ZNF536: variants seen among roughly 807,000 people sequenced by gnomAD.
ZNF536 encodes zinc finger protein 536.
A neutral mutation model predicts 84.5 loss-of-function variants in ZNF536; 13 were observed. The ratio of observed to expected loss-of-function variants is 0.15; its 90% CI spans 0.10 to 0.24. The LOEUF is 0.24. Among genes scored for constraint, ZNF536 ranks in the 10% least tolerant of loss-of-function variants. The pLI is 1.00. For missense variants in ZNF536, 1,536 were observed against 1,747.5 expected, an observed-to-expected ratio of 0.88 and a Z score of 2.16; for synonymous variants, 811 against 742.5, an observed-to-expected ratio of 1.09 and a Z score of -1.50.
chr19:30,341,966 T>C (rs2047578763), intron 2 of ZNF536, among the ~76,000 whole-genome samples: 1 of 152,242 alleles, frequency 6.6e-6, no homozygotes, highest in Admixed American at 6.5e-5. Context: ...ATCATTAGCA[T>C]ATTTGGATCA....
chr19:30,237,958 G>A (rs1279498551), intron 1 of ZNF536, among the ~76,000 whole-genome samples: 9 of 152,196 alleles, frequency 5.9e-5, no homozygotes, highest in African/African-American at 2.2e-4. Context: ...CACCAAGTTT[G>A]CCATCCAGCC....
intron 2 of ZNF536, among the ~76,000 whole-genome samples, chr19:30,285,850 AT>A (rs2045606358): frequency 6.6e-6 from 1 of 152,356 alleles, no homozygotes; most frequent in South Asian, 2.1e-4. Flanking sequence ...GACAATCAAA[AT>A]AACTCCAGAA....
chr19:30,524,769 C>T (rs10411290), intron 2 of ZNF536, among the ~76,000 whole-genome samples: 35,139 of 127,536 alleles, frequency 0.28, 7,369 homozygotes, highest in African/African-American at 0.57. Flanking sequence ...CTATAGTGTT[C>T]TTTTTTTCTT....
chr19:30,252,059 A>G (rs2024641549), intron 1 of ZNF536, among the ~76,000 whole-genome samples: 1 of 152,224 alleles, frequency 6.6e-6, no homozygotes, highest in African/African-American at 2.4e-5. Context: ...ACAAAGGACT[A>G]ATATCCAGAA....
chr19:30,624,043 C>T (rs954565461), intron 1 of ZNF536, among the ~76,000 whole-genome samples: 6 of 152,252 alleles, frequency 3.9e-5, no homozygotes, highest in Middle Eastern at 3.4e-3. Flanking sequence ...TCTGCCTCTC[C>T]TTCATAAATG....
chr19:30,366,946 C>A (rs2048455452), intron 3 of ZNF536, among the ~76,000 whole-genome samples: 1 of 152,222 alleles, frequency 6.6e-6, no homozygotes, highest in Admixed American at 6.5e-5. Context: ...GGAGGAGACA[C>A]TGAGTCCCAT....
At chr19:30,516,629 C>A (rs569833682) in intron 2 of ZNF536, among the ~76,000 whole-genome samples, 1 of 152,160 alleles carries the variant, frequency 6.6e-6, no homozygotes, top group Non-Finnish European at 1.5e-5. Flanking sequence ...GCCCTTCGCT[C>A]GGCTCTGTTG....
intron 2 of ZNF536, among the ~76,000 whole-genome samples, chr19:30,470,042 C>T (rs1010431917): frequency 6.6e-6 from 1 of 152,230 alleles, no homozygotes; most frequent in Non-Finnish European, 1.5e-5. Context: ...ATTCCAGAGC[C>T]TGTGGCTGCT....
chr19:30,406,667 G>A (rs1004126667), intron 1 of ZNF536, among the ~76,000 whole-genome samples: 1 of 152,158 alleles, frequency 6.6e-6, no homozygotes, highest in African/African-American at 2.4e-5. Context: ...GTTGAGCAAC[G>A]TGCCGGGGCT....
At chr19:30,473,782 T>C (rs1398033042) in intron 2 of ZNF536, among the ~76,000 whole-genome samples, 1 of 152,248 alleles carries the variant, frequency 6.6e-6, no homozygotes, top group African/African-American at 2.4e-5. Context: ...CCTGCCCTTC[T>C]GGCCCATCCT....
At chr19:30,473,083 A>G (rs910437495) in intron 2 of ZNF536, among the ~76,000 whole-genome samples, 2 of 151,620 alleles carry the variant, frequency 1.3e-5, no homozygotes, top group African/African-American at 2.4e-5. Context: ...GCACACACCT[A>G]TAGTTCCTGC....
At chr19:30,409,685 C>T (rs1041693014) in intron 1 of ZNF536, among the ~76,000 whole-genome samples, 8 of 152,216 alleles carry the variant, frequency 5.3e-5, no homozygotes, top group African/African-American at 1.2e-4. Flanking sequence ...TTACGTCCCC[C>T]GACCACCACA....
intron 2 of ZNF536, among the ~76,000 whole-genome samples, chr19:30,351,040 A>G (rs942100164): frequency 1.3e-5 from 2 of 152,244 alleles, no homozygotes; most frequent in African/African-American, 4.8e-5. Flanking sequence ...GAAGAAGTGG[A>G]AAAATAAAGA....
At chr19:30,705,937 C>G (rs370521364) in intron 1 of ZNF536, among the ~76,000 whole-genome samples, 1 of 152,006 alleles carries the variant, frequency 6.6e-6, no homozygotes, top group Non-Finnish European at 1.5e-5. Flanking sequence ...CAAAATATAA[C>G]CATAGGATAA....
intron 1 of ZNF536, among the ~76,000 whole-genome samples, chr19:30,263,193 C>G (rs1429001354): frequency 1.3e-5 from 2 of 152,212 alleles, no homozygotes; most frequent in Non-Finnish European, 2.9e-5. Context: ...ACAGTACATG[C>G]TCAATAAATA....
intron 2 of ZNF536, among the ~76,000 whole-genome samples, chr19:30,465,783 C>T (rs1040505484): frequency 1.3e-5 from 2 of 151,952 alleles, no homozygotes; most frequent in Admixed American, 1.3e-4. Flanking sequence ...TGGAGTCTTG[C>T]TCTGTTGCCC....
intron 1 of ZNF536, chr19:30,284,063 T>C (rs922251729): frequency 6.6e-6 from 1 of 152,214 alleles, no homozygotes; most frequent in African/African-American, 2.4e-5. Flanking sequence ...ACAGGTCTTA[T>C]TTTTGCAGTT....
intron 1 of ZNF536, among the ~76,000 whole-genome samples, chr19:30,269,438 A>G (rs1000169122): frequency 6.6e-6 from 1 of 152,112 alleles, no homozygotes; most frequent in Non-Finnish European, 1.5e-5. Flanking sequence ...GAATCCTACA[A>G]TTTGTGGATG....
At chr19:30,674,197 GC>G (rs2050669932) in intron 1 of ZNF536, among the ~76,000 whole-genome samples, 1 of 152,196 alleles carries the variant, frequency 6.6e-6, no homozygotes, top group Non-Finnish European at 1.5e-5. Flanking sequence ...TGGGATAGGG[GC>G]CTGGGTGGAG....
Sources: gnomAD v4.1 joint callset for allele counts (sites outside exome capture counted in the v4.1 genomes callset) on GRCh38, gnomAD v4.1.1 for gene constraint, MANE v1.5 for transcripts, NCBI Gene and HGNC (gene_info 2026-07-23, HGNC 2026-07-21) for gene names.